The following IMMP1L variants were observed in gnomAD, a reference collection of about 807,000 sequenced individuals.
The protein encoded by IMMP1L is inner mitochondrial membrane peptidase subunit 1.
A neutral mutation model predicts 21.8 loss-of-function variants in IMMP1L; 24 were observed. The ratio of observed to expected loss-of-function variants is 1.10; its 90% confidence interval spans 0.80 to 1.55. The LOEUF (loss-of-function observed/expected upper bound fraction) is 1.55, where lower values mean the gene tolerates loss of function less well. Among genes scored for constraint, IMMP1L ranks in the 40% most tolerant of loss-of-function variants. The pLI, the probability that IMMP1L is intolerant of heterozygous loss-of-function variation, is 0.00. For synonymous variants in IMMP1L, 46 were observed against 62.8 expected, an observed-to-expected ratio of 0.73 and a Z score of 1.26; for missense variants, 195 against 200.7, an observed-to-expected ratio of 0.97 and a Z score of 0.17.
At chr11:31,456,691 G>T (rs887706264) in intron 3 of IMMP1L, among the ~76,000 whole-genome samples, 1 of 151,436 alleles carries the variant, frequency 6.6e-6, no homozygotes, top group Non-Finnish European at 1.5e-5. Flanking sequence ...CTTTACTCCT[G>T]TGTCCAAATT....
At chr11:31,433,051 C>T (rs2133517953) in intron 5 of IMMP1L, among the ~76,000 whole-genome samples, 1 of 152,326 alleles carries the variant, frequency 6.6e-6, no homozygotes, top group Non-Finnish European at 1.5e-5. Context: ...AATAATCATA[C>T]ATTCACAATA....
intron 1 of IMMP1L, among the ~76,000 whole-genome samples, chr11:31,494,876 C>G (rs779417030): frequency 6.6e-6 from 1 of 152,178 alleles, no homozygotes; most frequent in Non-Finnish European, 1.5e-5. Flanking sequence ...AATCTCCTGA[C>G]CTCGTGATCC....
At chr11:31,437,065 C>A (rs1953148191) in intron 4 of IMMP1L, 2 of 379,550 alleles carry the variant, frequency 5.3e-6, no homozygotes, top group Non-Finnish European at 1.1e-5. Flanking sequence ...AACAAGAAAA[C>A]CTCTACGTAC....
chr11:31,468,325 T>C (rs1046799920), intron 1 of IMMP1L, among the ~76,000 whole-genome samples: 1 of 152,160 alleles, frequency 6.6e-6, no homozygotes, highest in Non-Finnish European at 1.5e-5. Context: ...TGACTGCAAC[T>C]TCCTTTCATA....
chr11:31,484,482 T>G (rs571844666), intron 1 of IMMP1L, among the ~76,000 whole-genome samples: 1 of 151,950 alleles, frequency 6.6e-6, no homozygotes, highest in African/African-American at 2.4e-5. Flanking sequence ...AGTATTTCAT[T>G]GTGTAGTTGT....
intron 2 of IMMP1L, among the ~76,000 whole-genome samples, chr11:31,461,476 G>C (rs532103629): frequency 4.5e-4 from 68 of 152,234 alleles, no homozygotes; most frequent in African/African-American, 1.6e-3. Flanking sequence ...GATATATACA[G>C]GTTGAGTGTC....
chr11:31,433,491 T>A lies in IMMP1L; in HGVS notation c.401A>T (p.Tyr134Phe). ...TDSRCYGPIP[Y>F]GLIRGRIFFK... is the part of the protein sequence containing the mutation. ...GAAGATTCGTCCTCTTATTAGTCCA[T>A]ATGGAATAGGTCCATAGCACCTGGA... Residue 134 changes from tyrosine to phenylalanine, a missense_variant, in exon 5 of 6, where the codon TAT becomes TTT. Coordinates refer to ENST00000532287, the MANE Select transcript of IMMP1L (RefSeq NM_001304274.2). 1 of 1,606,948 alleles carries A rather than the reference T, an allele frequency of 6.2e-7. No individual in the cohort carries two copies. Among genetic ancestry groups the A allele is most frequent in the Non-Finnish European group, 8.5e-7 (1 of 1,175,364 alleles).
intron 1 of IMMP1L, among the ~76,000 whole-genome samples, chr11:31,489,030 G>A (rs1293859569): frequency 3.9e-5 from 6 of 151,904 alleles, no homozygotes; most frequent in African/African-American, 1.5e-4. Flanking sequence ...CCGAGTAGCT[G>A]GGACTACAGG....
intron 3 of IMMP1L, 77 bp downstream of exon 3, chr11:31,460,549 T>A (rs1320039210): frequency 1.2e-6 from 1 of 820,438 alleles, no homozygotes; most frequent in Non-Finnish European, 2.0e-6. Context: ...AAAGATAAAG[T>A]TAAGGAACTG....
At chr11:31,488,290 T>C (rs2133778877) in intron 1 of IMMP1L, 1 of 152,260 alleles carries the variant, frequency 6.6e-6, no homozygotes, top group South Asian at 2.1e-4. Context: ...TTTTCAACCA[T>C]ATTGAGTTGA....
At chr11:31,437,506 A>G (rs1032715716) in intron 4 of IMMP1L, among the ~76,000 whole-genome samples, 1 of 152,176 alleles carries the variant, frequency 6.6e-6, no homozygotes, top group African/African-American at 2.4e-5. Flanking sequence ...GTAAAAAAAC[A>G]TAATGTTTGC....
intron 4 of IMMP1L, among the ~76,000 whole-genome samples, chr11:31,448,330 T>C (rs1953612069): frequency 6.6e-6 from 1 of 152,010 alleles, no homozygotes; most frequent in Admixed American, 6.6e-5. Flanking sequence ...AATAAATAAA[T>C]AAAAAAGATT....
chr11:31,452,057 G>A (rs1953775244), intron 4 of IMMP1L: 2 of 174,312 alleles, frequency 1.1e-5, no homozygotes, highest in Non-Finnish European at 2.3e-5. Flanking sequence ...AGTCATTAGC[G>A]ACTTTGACAA....
At chr11:31,434,572 T>C (rs928702462) in intron 4 of IMMP1L, among the ~76,000 whole-genome samples, 2 of 152,160 alleles carry the variant, frequency 1.3e-5, no homozygotes, top group African/African-American at 4.8e-5. Context: ...AAAAATACAC[T>C]ACTGGGTTTA....
intron 1 of IMMP1L, among the ~76,000 whole-genome samples, chr11:31,503,483 T>C (rs1955688617): frequency 6.6e-6 from 1 of 151,996 alleles, no homozygotes; most frequent in Non-Finnish European, 1.5e-5. Flanking sequence ...TTTTAAAGAT[T>C]ACGTGAAAAA....
chr11:31,495,842 T>C (rs1955414126), intron 1 of IMMP1L, among the ~76,000 whole-genome samples: 1 of 152,212 alleles, frequency 6.6e-6, no homozygotes, highest in African/African-American at 2.4e-5. Context: ...GTTGGACTTT[T>C]GTCTTACACC....
intron 1 of IMMP1L, among the ~76,000 whole-genome samples, chr11:31,465,300 A>T (rs1234489684): frequency 1.3e-5 from 2 of 152,116 alleles, no homozygotes; most frequent in Non-Finnish European, 2.9e-5. Context: ...ATTGAAGAGG[A>T]CATAAAAAAT....
intron 4 of IMMP1L, chr11:31,452,745 CT>C (rs909637918): frequency 4.0e-5 from 40 of 1,008,406 alleles, no homozygotes; most frequent in African/African-American, 1.9e-4. Flanking sequence ...CAAACAGCAT[CT>C]TTTTTTTTCT....
At chr11:31,485,764 A>G (rs1423929660) in intron 1 of IMMP1L, among the ~76,000 whole-genome samples, 1 of 151,958 alleles carries the variant, frequency 6.6e-6, no homozygotes, top group Non-Finnish European at 1.5e-5. Context: ...AGGACAAAAA[A>G]GCTTATCAGG....
Sources: allele counts gnomAD v4.1 joint callset (sites outside exome capture counted in the v4.1 genomes callset), GRCh38; gene constraint gnomAD v4.1.1; transcripts MANE v1.5; gene names NCBI Gene and HGNC (gene_info 2026-07-23, HGNC 2026-07-21).